The following MED26 variants were observed in gnomAD, a reference collection of about 807,000 sequenced individuals.
MED26 encodes mediator complex subunit 26, also known as mediator of RNA polymerase II transcription subunit 26.
MED26 carries 7 observed loss-of-function variants against 43.7 expected under a neutral mutation model. The ratio of observed to expected loss-of-function variants is 0.16; its 90% CI spans 0.09 to 0.30. The LOEUF (loss-of-function observed/expected upper bound fraction) is 0.30. MED26 is among the 10% of genes least tolerant of loss of function. The pLI is 1.00. For synonymous variants in MED26, 375 were observed against 371.1 expected, an observed-to-expected ratio of 1.01 and a Z score of -0.12; for missense variants, 784 against 840.6, an observed-to-expected ratio of 0.93 and a Z score of 0.83.
At chr19:16,594,445 C>T (rs542106777) in intron 1 of MED26, among the ~76,000 whole-genome samples, 2 of 152,300 alleles carry the variant, frequency 1.3e-5, no homozygotes, top group African/African-American at 2.4e-5. Context: ...GAAGGGGCAG[C>T]GAAACCAACC....
chr19:16,576,487 G>A lies in MED26; in HGVS notation c.1343C>T (p.Pro448Leu), dbSNP rs377438986. ...CCTGGACTGCTGCTCCATGTGCACAGGGCTGTCTGCCCGCACTGGCTCTTT... is the reference window on the plus strand; with the variant it reads ...CCTGGACTGCTGCTCCATGTGCACAAGGCTGTCTGCCCGCACTGGCTCTTT... ...TQKEPVRADS[P>L]VHMEQQSRTE... Residue 448 changes from proline to leucine, a missense_variant, in exon 3 of 3, where the codon CCT becomes CTT. This residue lies in a region of MED26 where 719 missense variants were observed against 730.9 expected (regional missense o/e 0.98). Coordinates refer to ENST00000263390, the MANE Select transcript of MED26 (RefSeq NM_004831.5). This position sits in a 1 kb window ranked among gnomAD's most constrained non-coding sequence, Gnocchi z 6.8. 3.7e-6 allele frequency: 6 copies of A among 1,614,056 alleles called. No individual in the cohort carries two copies. The African/African-American group carries it at 4.0e-5, about 11-fold the overall frequency.
rs1294950236 is a variant in MED26, at chr19:16,628,012, A to T, written c.-69T>A. The stretch of plus-strand genomic sequence containing the variant: ...CGGGCTGAGGCGGGGGACGGGGGTC[A>T]CTCACTCGCCGGCCTCCGGGAGCCG... On this transcript the variant is annotated 5_prime_UTR_variant, in exon 1 of 3. Transcript: ENST00000263390. The T allele has an allele frequency of 9.9e-7, 1 of 1,013,118 alleles. No individual in the cohort carries two copies. Among genetic ancestry groups the T allele is most frequent in the Admixed American group, 3.5e-5 (1 of 28,910 alleles). The allele number at this position is 1,013,118 out of a possible 1,614,324, so 62.8% of individuals were successfully genotyped here. A position where few individuals can be genotyped will look rare whatever the true frequency, so the allele number is the denominator to read the frequency against.
At chr19:16,597,344 C>A in intron 1 of MED26, 1 of 398,494 alleles carries the variant, frequency 2.5e-6, no homozygotes, top group Non-Finnish European at 4.4e-6. Flanking sequence ...CTGTTATATA[C>A]CAGATCCCAG....
At chr19:16,604,257 C>G (rs191128372) in intron 1 of MED26, among the ~76,000 whole-genome samples, 2 of 152,268 alleles carry the variant, frequency 1.3e-5, no homozygotes, top group Non-Finnish European at 2.9e-5. Context: ...GCCACATGCA[C>G]AGTATGGCCC....
chr19:16,613,061 C>A (rs902365024), intron 1 of MED26, among the ~76,000 whole-genome samples: 1 of 152,082 alleles, frequency 6.6e-6, no homozygotes, highest in Admixed American at 6.6e-5. Flanking sequence ...TCCTTTCAGG[C>A]ACTGTTTACC....
At chr19:16,604,772 A>G (rs2086164740) in intron 1 of MED26, among the ~76,000 whole-genome samples, 1 of 152,210 alleles carries the variant, frequency 6.6e-6, no homozygotes, top group African/African-American at 2.4e-5. Flanking sequence ...CCCTAGCTAC[A>G]GGGGGCAGGG....
Position 16,577,507 on chromosome 19 carries a change from G to A in MED26, c.323C>T (p.Ala108Val). 1.9e-6 allele frequency: 3 copies of A among 1,597,652 alleles called. No homozygotes were observed. Among genetic ancestry groups the A allele is most frequent in the Non-Finnish European group, 2.6e-6 (3 of 1,170,836 alleles). ...CCCCACCTCCGGCCGGCAGTTGTGT[G>A]CGCCCCCGTTGGCAGAGCCGGTGGC... ...AGATGSANGG[A>V]HNCRPEVGAA... Residue 108 changes from alanine to valine, a missense_variant, in exon 3 of 3, where the codon GCA becomes GTA. Physicochemically the swap from Ala to Val is moderately conservative, Grantham distance 64. Around this residue, in one of 3 missense-constraint regions of MED26, gnomAD observed 719 missense variants for 730.9 expected, o/e 0.98. Coordinates refer to ENST00000263390, the MANE Select transcript of MED26 (RefSeq NM_004831.5). The surrounding 1 kb of genome is among the most constrained non-coding windows in gnomAD (Gnocchi z 8.1).
intron 1 of MED26, among the ~76,000 whole-genome samples, chr19:16,579,756 AGCATAAAAGG>A (rs1204895729): frequency 6.6e-6 from 1 of 152,242 alleles, no homozygotes; most frequent in Non-Finnish European, 1.5e-5. Flanking sequence ...AAATTAAAAC[AGCATAAAAGG>A]GCACACAAGG....
intron 1 of MED26, among the ~76,000 whole-genome samples, chr19:16,617,164 C>A (rs1012710957): frequency 6.6e-6 from 1 of 152,100 alleles, no homozygotes; most frequent in Non-Finnish European, 1.5e-5. Context: ...GACAGCGTGT[C>A]CAGAGAGGCA....
At chr19:16,606,771 G>A (rs1026228478) in intron 1 of MED26, among the ~76,000 whole-genome samples, 1 of 152,188 alleles carries the variant, frequency 6.6e-6, no homozygotes, top group Non-Finnish European at 1.5e-5. Context: ...CAGGGGAGGG[G>A]TGCCTGGCAC....
intron 1 of MED26, among the ~76,000 whole-genome samples, chr19:16,614,003 C>A (rs1677120605): frequency 6.6e-6 from 1 of 152,186 alleles, no homozygotes; most frequent in Non-Finnish European, 1.5e-5. Flanking sequence ...GAAGACAGTA[C>A]CAGCATCTTC....
chr19:16,603,655 T>C (rs2086159950), intron 1 of MED26, among the ~76,000 whole-genome samples: 2 of 151,994 alleles, frequency 1.3e-5, no homozygotes, highest in African/African-American at 4.8e-5. Context: ...CCTATCTCGG[T>C]ATGTGGGGGC....
intron 1 of MED26, among the ~76,000 whole-genome samples, chr19:16,606,536 G>A (rs189401019): frequency 3.3e-5 from 5 of 152,212 alleles, no homozygotes; most frequent in East Asian, 3.9e-4. Context: ...GTGACAGAGC[G>A]AGACTCCGTC....
intron 1 of MED26, among the ~76,000 whole-genome samples, chr19:16,627,609 G>A (rs981725228): frequency 9.9e-5 from 15 of 152,216 alleles, no homozygotes; most frequent in African/African-American, 3.6e-4. Context: ...AGAAAGGGAG[G>A]AAAAACTCTA....
chr19:16,595,171 C>T (rs1408757764), intron 1 of MED26, among the ~76,000 whole-genome samples: 1 of 152,180 alleles, frequency 6.6e-6, no homozygotes, highest in Non-Finnish European at 1.5e-5. Context: ...CAGTAGGTGC[C>T]TCTGCGTTGG....
At chr19:16,625,177 C>A (rs2086268811) in intron 1 of MED26, among the ~76,000 whole-genome samples, 1 of 152,144 alleles carries the variant, frequency 6.6e-6, no homozygotes, top group East Asian at 1.9e-4. Context: ...CTGTTAGTAG[C>A]CTTTTCAAAA....
intron 1 of MED26, among the ~76,000 whole-genome samples, chr19:16,600,624 AC>A (rs1268788358): frequency 6.6e-6 from 1 of 151,130 alleles, no homozygotes; most frequent in Non-Finnish European, 1.5e-5. Flanking sequence ...GAACTGCACC[AC>A]CCCCACTGAC....
At chr19:16,619,150 G>A (rs1297644649) in intron 1 of MED26, among the ~76,000 whole-genome samples, 1 of 152,186 alleles carries the variant, frequency 6.6e-6, no homozygotes, top group Non-Finnish European at 1.5e-5. Context: ...AACACGGAAG[G>A]AAACAATGTG....
chr19:16,613,680 T>C (rs923901170), intron 1 of MED26, among the ~76,000 whole-genome samples: 7 of 152,200 alleles, frequency 4.6e-5, no homozygotes, highest in African/African-American at 1.7e-4. Context: ...CTCACTATGC[T>C]TCAGTTTCCT....
Sources: gnomAD v4.1 joint callset for allele counts (sites outside exome capture counted in the v4.1 genomes callset) on GRCh38, gnomAD v4.1.1 for gene constraint, gnomAD v4.1.1 regional missense constraint, Gnocchi (gnomAD v3.1) non-coding constraint, MANE v1.5 for transcripts, NCBI Gene and HGNC (gene_info 2026-07-23, HGNC 2026-07-21) for gene names.